Variants in CCDC25 observed in about 807,000 individuals in gnomAD.
The protein encoded by CCDC25 is coiled-coil domain-containing protein 25.
In CCDC25, 16 loss-of-function variants were observed where a neutral mutation model predicts 35.3. The ratio of observed to expected loss-of-function variants is 0.45; its 90% CI spans 0.31 to 0.69. CCDC25 has a LOEUF of 0.69. Among genes scored for constraint, CCDC25 ranks in the 30% least tolerant of loss-of-function variants. CCDC25 has a pLI of 0.06. For synonymous variants in CCDC25, 79 were observed against 80.3 expected (o/e 0.98, Z 0.09); for missense variants, 179 against 250.7 (o/e 0.71, Z 1.93).
chr8:27,738,093 T>C (rs753286519), intron 8 of CCDC25, among the ~76,000 whole-genome samples: 5 of 151,726 alleles, frequency 3.3e-5, no homozygotes, highest in Admixed American at 1.3e-4. Context: ...AATGATACGA[T>C]GGACTTTGGG....
intron 4 of CCDC25, chr8:27,756,438 A>G (rs1477867744): frequency 3.0e-6 from 1 of 329,896 alleles, no homozygotes; most frequent in Non-Finnish European, 5.6e-6. Context: ...AACTGAATTG[A>G]AAGAAAAGGA....
intron 1 of CCDC25, among the ~76,000 whole-genome samples, chr8:27,770,732 T>G (rs1158602007): frequency 2.9e-5 from 3 of 103,536 alleles, no homozygotes; most frequent in Non-Finnish European, 5.7e-5. Context: ...AGAGCAAAAC[T>G]CCGTCTCCAA....
chr8:27,765,364 G>A lies in CCDC25; in HGVS notation c.29-113C>T, dbSNP rs1804366226. 8.1e-6 allele frequency: 7 copies of A among 859,598 alleles called. No individual in the cohort carries two copies. In the South Asian group the frequency reaches 1.1e-4, roughly 14 times the overall value. The allele number at this position is 859,598 out of a possible 1,614,324, so 53.2% of individuals were successfully genotyped here. On this transcript the variant is annotated intron_variant, in intron 1 of 8. Transcript: ENST00000356537. The stretch of plus-strand genomic sequence containing the variant: ...TAGGGGCTGGCAAACCATGGCCCAT[G>A]ATCCAAATCCAGCCTACCACCTGTT...
Position 27,748,318 on chromosome 8 carries a change from GT to G in CCDC25, c.349-40del, listed in dbSNP as rs752261573. On this transcript the variant is annotated intron_variant, in intron 6 of 8. Transcript: ENST00000356537. Reference sequence around the variant, plus strand: ...AGGAGAAAAGATATTGCATCTTTTTGTTTTTTTTCTCCCAGAAGAGGGATGA... The same window carrying G: ...AGGAGAAAAGATATTGCATCTTTTTGTTTTTTTCTCCCAGAAGAGGGATGA... The G allele has an allele frequency of 1.0e-5, 16 of 1,566,590 alleles. No homozygotes were observed. The African/African-American group carries it at 1.6e-4, about 16-fold the overall frequency.
At chr8:27,769,291 T>C (rs1303706055) in intron 1 of CCDC25, among the ~76,000 whole-genome samples, 3 of 152,090 alleles carry the variant, frequency 2.0e-5, no homozygotes, top group African/African-American at 7.2e-5. Context: ...TCTGACATTA[T>C]AATGGAAGTC....
intron 8 of CCDC25, among the ~76,000 whole-genome samples, chr8:27,739,541 A>T (rs549120418): frequency 1.8e-4 from 27 of 152,190 alleles, no homozygotes; most frequent in Middle Eastern, 3.4e-3. Flanking sequence ...AATATAAATT[A>T]AAAAAATACA....
At chr8:27,771,631 G>A (rs923449417) in intron 1 of CCDC25, among the ~76,000 whole-genome samples, 11 of 152,122 alleles carry the variant, frequency 7.2e-5, no homozygotes, top group African/African-American at 2.7e-4. Flanking sequence ...AAGAGATCCT[G>A]TCCACGCCCT....
rs1803677535 is a variant in CCDC25 at position 27,748,365 on chromosome 8, A to G, written c.349-86T>C. The G allele has an allele frequency of 3.6e-6, 5 of 1,374,730 alleles. No individual in the cohort carries two copies. The Admixed American group carries it at 7.2e-5, about 20-fold the overall frequency. The allele number at this position is 1,374,730 out of a possible 1,614,324, so 85.2% of individuals were successfully genotyped here. Reference sequence around the variant, plus strand: ...GATGAGGCTTTCCAGGGGTTTAGCAACCCAGTTTAATTCCCTTTAGAAAAC... The same window carrying G: ...GATGAGGCTTTCCAGGGGTTTAGCAGCCCAGTTTAATTCCCTTTAGAAAAC... On this transcript the variant is annotated intron_variant, in intron 6 of 8. Transcript: ENST00000356537.
intron 1 of CCDC25, among the ~76,000 whole-genome samples, chr8:27,769,650 T>C (rs1804517842): frequency 6.6e-6 from 1 of 152,158 alleles, no homozygotes; most frequent in African/African-American, 2.4e-5. Flanking sequence ...AAACCACATG[T>C]ACAGAGACAG....
intron 4 of CCDC25, chr8:27,754,430 C>T (rs1391528889): frequency 3.3e-5 from 5 of 152,170 alleles, no homozygotes; most frequent in Admixed American, 1.3e-4. Flanking sequence ...TAGGACATCA[C>T]GTCACTGAAA....
chr8:27,771,147 G>A (rs868648324), intron 1 of CCDC25, among the ~76,000 whole-genome samples: 1 of 152,158 alleles, frequency 6.6e-6, no homozygotes, highest in East Asian at 1.9e-4. Flanking sequence ...CTTTTTCTAC[G>A]TTGAGACCCG....
In CCDC25 at chr8:27,763,630, A is replaced by G. The variant is rs182664510; in HGVS notation, c.77-1172T>C. 4.3e-4 allele frequency among the ~76,000 whole-genome samples: 65 copies of G among 152,292 alleles called. No homozygotes were observed. In the East Asian group the frequency reaches 0.012, roughly 28 times the overall value. ...CCACTCGGGAGGCTGAGGTGGGAGA[A>G]TTGCTTGAATCCAGGAGGTGAAGGT... On this transcript the variant is annotated intron_variant, in intron 2 of 8. Coordinates refer to ENST00000356537, the MANE Select transcript of CCDC25 (RefSeq NM_018246.3).
chr8:27,735,158 T>C lies in CCDC25; in HGVS notation c.*1058A>G, dbSNP rs1421202915. ...AAACCACTCATCTCTAAAGTCATTT[T>C]CTATACCCTCTCAAAATTTGGCCAG... On this transcript the variant is annotated 3_prime_UTR_variant, in exon 9 of 9. Transcript: ENST00000356537. 2.0e-5 allele frequency: 3 copies of C among 152,638 alleles called. No individual in the cohort carries two copies. Among genetic ancestry groups the C allele is most frequent in the African/African-American group, 7.2e-5 (3 of 41,442 alleles). 9.5% of individuals were successfully genotyped at this position (152,638 alleles called of 1,614,324 possible). A position where few individuals can be genotyped will look rare whatever the true frequency, so the allele number is the denominator to read the frequency against.
rs1460757294 is a variant in CCDC25 at position 27,740,306 on chromosome 8, A to G, written c.597+166T>C. On this transcript the variant is annotated intron_variant, in intron 8 of 8. Transcript: ENST00000356537. ...AACACAAATGAGAAAGTCCACAGGGAAGGAGGTGCAGTGCCTAAAAGAATC... is the reference window on the plus strand; with the variant it reads ...AACACAAATGAGAAAGTCCACAGGGGAGGAGGTGCAGTGCCTAAAAGAATC... Among the ~76,000 whole-genome samples, 4 of 152,184 alleles carry G rather than the reference A, an allele frequency of 2.6e-5. No individual in the cohort carries two copies. In the South Asian group the frequency reaches 8.3e-4, roughly 32 times the overall value.
Position 27,772,629 on chromosome 8 carries a change from GCCC to G in CCDC25, c.-92_-90del. 7.3e-7 allele frequency: 1 copy of G among 1,363,124 alleles called. No homozygotes were observed. The highest frequency in any genetic ancestry group is 1.0e-6 in the Non-Finnish European group (1 of 984,764). The allele number at this position is 1,363,124 out of a possible 1,614,324, so 84.4% of individuals were successfully genotyped here. ...ATACCAGACTCGCGGCGGCCGCCTG[GCCC>G]CCGGAACTCCTCCGTGCACTTCCGG... On this transcript the variant is annotated 5_prime_UTR_variant, in exon 1 of 9. Transcript: ENST00000356537.
chr8:27,765,012 G>C (rs971857596), intron 2 of CCDC25, among the ~76,000 whole-genome samples, 192 bp downstream of exon 2: 15 of 152,130 alleles, frequency 9.9e-5, no homozygotes, highest in Non-Finnish European at 1.9e-4. Context: ...GATAGTTAAA[G>C]CATTTTTCTT....
intron 1 of CCDC25, among the ~76,000 whole-genome samples, chr8:27,770,288 A>G (rs2128948762): frequency 6.6e-6 from 1 of 152,230 alleles, no homozygotes; most frequent in East Asian, 1.9e-4. Context: ...CTAAAAATAC[A>G]AAAATCAGCC....
At chr8:27,772,261 C>G (rs919133690) in intron 1 of CCDC25, among the ~76,000 whole-genome samples, 7 of 152,208 alleles carry the variant, frequency 4.6e-5, no homozygotes, top group African/African-American at 1.7e-4. Context: ...GATTAGGGGA[C>G]GAGAACTCCC....
Position 27,766,532 on chromosome 8 carries a change from T to C in CCDC25, c.29-1281A>G, listed in dbSNP as rs774399122. On this transcript the variant is annotated intron_variant, in intron 1 of 8. Transcript: ENST00000356537. ...CGCCAAGTTTATAGAAATGCTTGTCTATTATTGAGCATTGTAGTACCTTGA... is the reference window on the plus strand; with the variant it reads ...CGCCAAGTTTATAGAAATGCTTGTCCATTATTGAGCATTGTAGTACCTTGA... 7.6e-4 allele frequency among the ~76,000 whole-genome samples: 115 copies of C among 152,242 alleles called. 1 individual carries two copies. The highest frequency in any genetic ancestry group is 4.6e-3 in the Admixed American group (70 of 15,284).
Sources: allele counts gnomAD v4.1 joint callset (sites outside exome capture counted in the v4.1 genomes callset), GRCh38; gene constraint gnomAD v4.1.1; transcripts MANE v1.5; gene names NCBI Gene and HGNC (gene_info 2026-07-23, HGNC 2026-07-21).